DENND5B: variants seen among roughly 807,000 people sequenced by gnomAD.
The protein encoded by DENND5B is DENN domain-containing protein 5B.
DENND5B carries 34 observed loss-of-function variants against 140.6 expected under a neutral mutation model. The ratio of observed to expected loss-of-function variants is 0.24; its 90% CI spans 0.18 to 0.32. DENND5B has a LOEUF of 0.32. Ranked by LOEUF, DENND5B falls within the 10% of genes least tolerant of loss-of-function variation. The pLI is 1.00. For missense variants in DENND5B, 1,142 were observed against 1,560.2 expected (o/e 0.73, Z 4.52); for synonymous variants, 551 against 562.1 (o/e 0.98, Z 0.28).
chr12:31,495,923 C>T lies in DENND5B; in HGVS notation c.128-4G>A. ...GGACTCTGGTCAAAATTTTCGCCTACAACAAATAATACATAGTTAATATCT... is the reference window on the plus strand; with the variant it reads ...GGACTCTGGTCAAAATTTTCGCCTATAACAAATAATACATAGTTAATATCT... On this transcript the variant is annotated splice_region_variant and splice_polypyrimidine_tract_variant and intron_variant, in intron 1 of 20. Coordinates refer to ENST00000389082, the MANE Select transcript of DENND5B (RefSeq NM_144973.4). The T allele has an allele frequency of 1.3e-6, 2 of 1,591,206 alleles. No individual in the cohort carries two copies. The highest frequency in any genetic ancestry group is 1.7e-6 in the Non-Finnish European group (2 of 1,166,136).
At chr12:31,436,037 G>A (rs1450545245) in intron 7 of DENND5B, among the ~76,000 whole-genome samples, 4 of 151,892 alleles carry the variant, frequency 2.6e-5, no homozygotes, top group South Asian at 2.1e-4. Context: ...AGCTTAATGC[G>A]ATCTGCCTGT....
chr12:31,431,421 T>G (rs1943504889), intron 8 of DENND5B, among the ~76,000 whole-genome samples: 1 of 152,110 alleles, frequency 6.6e-6, no homozygotes, highest in Non-Finnish European at 1.5e-5. Context: ...GCAGGGTAAA[T>G]GGAAAGAATA....
In DENND5B at chr12:31,553,827, T is replaced by C. The variant is rs578126484; in HGVS notation, c.127+36879A>G. Among the ~76,000 whole-genome samples, 29 of 152,334 alleles carry C rather than the reference T, an allele frequency of 1.9e-4. No homozygotes were observed. In the East Asian group the frequency reaches 5.4e-3, roughly 28 times the overall value. ...CTTTACCATTATGTAATGGCCTTCT[T>C]TGTCTCTTTTGATCTTTGTTGGTTT... On this transcript the variant is annotated intron_variant, in intron 1 of 20. Coordinates refer to ENST00000389082, the MANE Select transcript of DENND5B (RefSeq NM_144973.4).
At chr12:31,571,031 T>C (rs1294264412) in intron 1 of DENND5B, among the ~76,000 whole-genome samples, 1 of 152,096 alleles carries the variant, frequency 6.6e-6, no homozygotes, top group Non-Finnish European at 1.5e-5. Context: ...ATTCTCCGCA[T>C]TCTCGGCTGC....
intron 17 of DENND5B, among the ~76,000 whole-genome samples, chr12:31,397,135 T>C (rs1005593561): frequency 6.6e-6 from 1 of 152,280 alleles, no homozygotes; most frequent in African/African-American, 2.4e-5. Context: ...TTACTAAAAA[T>C]GACACATGAA....
chr12:31,444,643 C>G (rs1209723225), intron 6 of DENND5B, among the ~76,000 whole-genome samples: 1 of 152,200 alleles, frequency 6.6e-6, no homozygotes, highest in Non-Finnish European at 1.5e-5. Flanking sequence ...ATTGGAAAGA[C>G]TTTCTGGAAG....
At chr12:31,513,987 GCCA>G (rs1194543334) in intron 1 of DENND5B, among the ~76,000 whole-genome samples, 1 of 151,932 alleles carries the variant, frequency 6.6e-6, no homozygotes, top group Non-Finnish European at 1.5e-5. Context: ...ATAGGAATGT[GCCA>G]CCACACCTGG....
At chr12:31,501,176 A>G (rs1163889498) in intron 1 of DENND5B, among the ~76,000 whole-genome samples, 1 of 152,186 alleles carries the variant, frequency 6.6e-6, no homozygotes, top group Non-Finnish European at 1.5e-5. Flanking sequence ...AGTGAGAAGT[A>G]ATTGAATTAT....
At chr12:31,469,332 C>CAAA (rs572719010) in intron 3 of DENND5B, among the ~76,000 whole-genome samples, 11 of 106,066 alleles carry the variant, frequency 1.0e-4, no homozygotes, top group African/African-American at 3.3e-4. Context: ...GACTCCATCT[C>CAAA]AAAAAAAAAA....
At chr12:31,412,956 T>C (rs1206851337) in intron 13 of DENND5B, among the ~76,000 whole-genome samples, 3 of 152,120 alleles carry the variant, frequency 2.0e-5, no homozygotes, top group Non-Finnish European at 2.9e-5. Flanking sequence ...GGTCTTGCAC[T>C]GTCGCCCAGA....
At chr12:31,477,672 GACGGAGATCC>G (rs1945879690) in intron 3 of DENND5B, 1 of 166,744 alleles carries the variant, frequency 6.0e-6, no homozygotes, top group Non-Finnish European at 1.4e-5. Flanking sequence ...TGAAAAATAT[GACGGAGATCC>G]ACAGAATCCT....
intron 1 of DENND5B, among the ~76,000 whole-genome samples, chr12:31,509,811 G>A (rs1237886437): frequency 6.6e-6 from 1 of 152,152 alleles, no homozygotes; most frequent in African/African-American, 2.4e-5. Context: ...GTATTAAGTA[G>A]GATGATCAAG....
chr12:31,556,374 G>A (rs946669745), intron 1 of DENND5B, among the ~76,000 whole-genome samples: 6 of 151,884 alleles, frequency 4.0e-5, no homozygotes, highest in African/African-American at 1.2e-4. Context: ...GCTAATTTTT[G>A]TATTTTTAGT....
chr12:31,474,347 A>T (rs1159714750), intron 3 of DENND5B, among the ~76,000 whole-genome samples: 1 of 152,234 alleles, frequency 6.6e-6, no homozygotes, highest in African/African-American at 2.4e-5. Flanking sequence ...TGAAAAAAGA[A>T]TCATACTCTG....
intron 20 of DENND5B, 67 bp downstream of exon 20, chr12:31,389,257 A>G (rs10843937): frequency 0.41 from 610,692 of 1,475,446 alleles, 129,475 homozygotes; most frequent in Admixed American, 0.63. Context: ...ATGATCTGGT[A>G]TAACCTTTTC....
chr12:31,487,860 A>G (rs1946369607), intron 2 of DENND5B, among the ~76,000 whole-genome samples: 1 of 152,126 alleles, frequency 6.6e-6, no homozygotes, highest in Non-Finnish European at 1.5e-5. Context: ...GCATATAACA[A>G]TTGGTTGAAT....
chr12:31,585,755 A>G (rs1023579556), intron 1 of DENND5B, among the ~76,000 whole-genome samples: 1 of 152,212 alleles, frequency 6.6e-6, no homozygotes, highest in Non-Finnish European at 1.5e-5. Context: ...CATGGTCTCC[A>G]CCGTCTCTAC....
intron 3 of DENND5B, among the ~76,000 whole-genome samples, chr12:31,466,097 C>T (rs915504292): frequency 6.6e-6 from 1 of 152,172 alleles, no homozygotes; most frequent in Non-Finnish European, 1.5e-5. Flanking sequence ...TGGTGGCTCA[C>T]GCCTGTAAGC....
At chr12:31,470,912 T>C (rs914353830) in intron 3 of DENND5B, among the ~76,000 whole-genome samples, 11 of 152,196 alleles carry the variant, frequency 7.2e-5, no homozygotes, top group African/African-American at 2.7e-4. Context: ...GATGGAGCAG[T>C]AGCTGTGCTG....
Sources: gnomAD v4.1 joint callset for allele counts (sites outside exome capture counted in the v4.1 genomes callset) on GRCh38, gnomAD v4.1.1 for gene constraint, MANE v1.5 for transcripts, NCBI Gene and HGNC (gene_info 2026-07-23, HGNC 2026-07-21) for gene names.